Variants in GRM4 observed in about 807,000 individuals in gnomAD.
GRM4 encodes glutamate metabotropic receptor 4.
Under a neutral mutation model 81.7 loss-of-function variants are expected in GRM4, and 28 were observed. The ratio of observed to expected loss-of-function variants is 0.34; its 90% CI spans 0.25 to 0.47. The LOEUF is 0.47. Among genes scored for constraint, GRM4 ranks in the 20% least tolerant of loss-of-function variants. The pLI is 1.00. For missense variants in GRM4, 948 were observed against 1,290.0 expected (o/e 0.73, Z 4.06); for synonymous variants, 488 against 528.8 (o/e 0.92, Z 1.06).
rs150375286 is a variant in GRM4 at position 34,068,160 on chromosome 6, G to T, written c.737-6132C>A. 2.0e-3 allele frequency among the ~76,000 whole-genome samples: 298 copies of T among 152,324 alleles called. 5 individuals are homozygous for T. Among genetic ancestry groups the T allele is most frequent in the African/African-American group, 6.5e-3 (271 of 41,570 alleles). On this transcript the variant is annotated intron_variant, in intron 3 of 10. Coordinates refer to ENST00000538487, the MANE Select transcript of GRM4 (RefSeq NM_000841.4). The surrounding 1 kb of genome is among the most constrained non-coding windows in gnomAD (Gnocchi z 4.2). ...AGCATGACGTGCTGGAGGGAGACGG[G>T]GGGGCTGCATCCCCTCAGCCCACCT... is the stretch of plus-strand genomic sequence containing the variant.
intron 6 of GRM4, chr6:34,055,622 T>C (rs1213044169): frequency 6.6e-6 from 1 of 152,136 alleles, no homozygotes; most frequent in South Asian, 2.1e-4. Flanking sequence ...ACCCCAATGT[T>C]ATTGAGTCTG....
intron 1 of GRM4, among the ~76,000 whole-genome samples, chr6:34,142,150 G>C (rs948011918): frequency 6.6e-6 from 1 of 152,214 alleles, no homozygotes; most frequent in Non-Finnish European, 1.5e-5. Context: ...CAGTGCTCCA[G>C]GCCCATGCCC....
chr6:34,044,137 T>C (rs922640338), intron 6 of GRM4, among the ~76,000 whole-genome samples: 1 of 126,634 alleles, frequency 7.9e-6, no homozygotes, highest in African/African-American at 3.2e-5. Flanking sequence ...CACACACATA[T>C]ACATACATAC....
intron 2 of GRM4, among the ~76,000 whole-genome samples, chr6:34,102,427 C>T (rs768751158): frequency 3.9e-5 from 6 of 152,214 alleles, no homozygotes; most frequent in Admixed American, 1.3e-4. Context: ...AGGCACACTC[C>T]GCCTCAGGGC....
chr6:34,110,723 T>G (rs1769340364), intron 2 of GRM4: 1 of 1,515,790 alleles, frequency 6.6e-7, no homozygotes, highest in East Asian at 2.5e-5. Context: ...GCCGGGGTGC[T>G]GGGCTGGTAG....
chr6:34,031,153 A>G (rs1764392046), intron 9 of GRM4, among the ~76,000 whole-genome samples: 1 of 152,214 alleles, frequency 6.6e-6, no homozygotes, highest in Non-Finnish European at 1.5e-5. Context: ...CCCAGGCACC[A>G]GGAAGGTCCT....
At chr6:34,071,344 C>T (rs555911761) in intron 3 of GRM4, among the ~76,000 whole-genome samples, 11,589 of 107,438 alleles carry the variant, frequency 0.11, 1,092 homozygotes, top group African/African-American at 0.27. Flanking sequence ...CACAGATAAA[C>T]ACCGCACCAC....
intron 10 of GRM4, among the ~76,000 whole-genome samples, 163 bp downstream of exon 10, chr6:34,027,957 G>A (rs1764214343): frequency 6.6e-6 from 1 of 152,200 alleles, no homozygotes; most frequent in Non-Finnish European, 1.5e-5. Context: ...CTGAGAGGCT[G>A]GCTCCCACCT....
At position 34,130,193 on chromosome 6, in the gene GRM4, A is replaced by G. The variant is rs1770182089; in HGVS notation, c.519+2785T>C. Among the ~76,000 whole-genome samples the G allele has an allele frequency of 6.6e-6, 1 of 152,106 alleles. No individual in the cohort carries two copies. The highest frequency in any genetic ancestry group is 2.1e-4 in the South Asian group (1 of 4,822). On this transcript the variant is annotated intron_variant, in intron 2 of 10. Coordinates refer to ENST00000538487, the MANE Select transcript of GRM4 (RefSeq NM_000841.4). The surrounding 1 kb of genome is among the most constrained non-coding windows in gnomAD (Gnocchi z 4.1). ...TCTCACCCAGCCTCTCATTTCTATC[A>G]GTTTAATTATTGAGGAGGCCTCTTG... is the stretch of plus-strand genomic sequence containing the variant.
At chr6:34,039,167 C>A (rs3103432) in intron 8 of GRM4, among the ~76,000 whole-genome samples, 54,161 of 152,072 alleles carry the variant, frequency 0.36, 13,413 homozygotes, top group African/African-American at 0.7. Flanking sequence ...TCCTGCCACA[C>A]GGTGTGGCCT....
At chr6:34,155,485 A>T (rs1268979974) in exon 1 of GRM4, 2 of 781,964 alleles carry the variant, frequency 2.6e-6, no homozygotes, top group Non-Finnish European at 3.8e-6. Flanking sequence ...GAGCTTTAAA[A>T]TTTCCCTGTG....
rs186423968 is a variant in GRM4 at position 34,049,496 on chromosome 6, C to T, written c.1168+7048G>A. 7.2e-5 allele frequency among the ~76,000 whole-genome samples: 11 copies of T among 152,168 alleles called. No homozygotes were observed. The East Asian group carries it at 2.1e-3, about 29-fold the overall frequency. ...ACACTCCTTGGTGCTCCCAGCCAGC[C>T]CCATCTGTACTCTGCCACCTCCCTA... On this transcript the variant is annotated intron_variant, in intron 6 of 10. Transcript: ENST00000538487.
intron 6 of GRM4, among the ~76,000 whole-genome samples, chr6:34,044,760 A>T (rs1765264849): frequency 7.5e-6 from 1 of 133,184 alleles, no homozygotes; most frequent in Non-Finnish European, 1.6e-5. Flanking sequence ...ATACACATAC[A>T]CACACATAGA....
intron 3 of GRM4, 21 bp downstream of exon 3, chr6:34,091,862 G>A (rs781567086): frequency 6.4e-7 from 1 of 1,559,720 alleles, no homozygotes; most frequent in East Asian, 2.3e-5. Context: ...GCATGACTCT[G>A]CGGCCAGGCG....
intron 7 of GRM4, 44 bp from the exon 8 acceptor site, chr6:34,040,358 G>C: frequency 2.5e-6 from 4 of 1,604,730 alleles, no homozygotes; most frequent in Non-Finnish European, 3.4e-6. Context: ...TTACCCAGAG[G>C]CAGGGCGGAT....
intron 2 of GRM4, among the ~76,000 whole-genome samples, chr6:34,117,763 A>G (rs1769654687): frequency 6.6e-6 from 1 of 152,094 alleles, no homozygotes; most frequent in Non-Finnish European, 1.5e-5. Flanking sequence ...AACCGCTCCA[A>G]TTAGGAAGGG....
At chr6:34,044,845 T>TACATACATACACATATATAGTCACACAC (rs1765275508) in intron 6 of GRM4, among the ~76,000 whole-genome samples, 1 of 127,480 alleles carries the variant, frequency 7.8e-6, no homozygotes, top group Admixed American at 7.6e-5. Flanking sequence ...TACACATATA[T>TACATACATACACATATATAGTCACACAC]ACATAGACAC....
Position 34,133,889 on chromosome 6 carries a change from C to G in GRM4, c.-363-30G>C, listed in dbSNP as rs1581731411. ...GAAGGGGAAGAGAGAGAGAGAATAT[C>G]AAACAGAAGCCCAAAGAAGACATTA... On this transcript the variant is annotated intron_variant, in intron 1 of 10. Transcript: ENST00000538487. The surrounding 1 kb of genome is among the most constrained non-coding windows in gnomAD (Gnocchi z 6.5). The G allele has an allele frequency of 1.0e-6, 1 of 987,230 alleles. No individual in the cohort carries two copies. The highest frequency in any genetic ancestry group is 1.7e-5 in the African/African-American group (1 of 58,242). 61.2% of individuals were successfully genotyped at this position (987,230 alleles called of 1,614,324 possible).
At chr6:34,082,600 C>T (rs1277650330) in intron 3 of GRM4, among the ~76,000 whole-genome samples, 1 of 152,218 alleles carries the variant, frequency 6.6e-6, no homozygotes, top group Non-Finnish European at 1.5e-5. Context: ...AGGACCAGAA[C>T]TCAGCCCGCC....
Sources: gnomAD v4.1 joint callset for allele counts (sites outside exome capture counted in the v4.1 genomes callset) on GRCh38, gnomAD v4.1.1 for gene constraint, Gnocchi (gnomAD v3.1) non-coding constraint, MANE v1.5 for transcripts, NCBI Gene and HGNC (gene_info 2026-07-23, HGNC 2026-07-21) for gene names.